Variants in TUBB8B observed in about 807,000 individuals in gnomAD.
TUBB8B encodes the protein HSA18p11 beta-tubulin 4Q pseudogene.
Under a neutral mutation model 31.9 loss-of-function variants are expected in TUBB8B, and 26 were observed. The ratio of observed to expected loss-of-function variants is 0.81; its 90% CI spans 0.60 to 1.13. TUBB8B has a LOEUF of 1.13. Among genes scored for constraint, TUBB8B ranks in the 50% most tolerant of loss-of-function variants. The pLI, the probability that TUBB8B is intolerant of heterozygous loss-of-function variation, is 0.00. For missense variants in TUBB8B, 467 were observed against 586.7 expected (o/e 0.80, Z 2.11); for synonymous variants, 173 against 231.0 (o/e 0.75, Z 2.28).
At chr18:65,134 C>G in the TUBB8B span, among the ~76,000 whole-genome samples, 1 of 151,972 alleles carries the variant, frequency 6.6e-6, no homozygotes. Flanking sequence ...AACCCTGTCT[C>G]TACTAAAAAT....
the TUBB8B span, among the ~76,000 whole-genome samples, chr18:55,406 G>A: frequency 2.6e-5 from 4 of 151,842 alleles, no homozygotes; most frequent in Admixed American, 2.6e-4. Context: ...GCGAGACTGG[G>A]TAATTTATAA....
chr18:54,966 T>G, the TUBB8B span, among the ~76,000 whole-genome samples: 1 of 152,060 alleles, frequency 6.6e-6, no homozygotes, highest in East Asian at 1.9e-4. Flanking sequence ...GTATGTCTTC[T>G]TTTCATAAAT....
At chr18:55,887 T>C in the TUBB8B span, among the ~76,000 whole-genome samples, 1 of 151,858 alleles carries the variant, frequency 6.6e-6, no homozygotes, top group Admixed American at 6.6e-5. Context: ...TTATGGGGCA[T>C]TATTTAAGAA....
At chr18:49,722 C>T (rs1278681199), upstream of TUBB8B, 3 of 696,306 alleles carry the variant, frequency 4.3e-6, no homozygotes, top group East Asian at 8.3e-5. Flanking sequence ...CACAGGTGCA[C>T]CCACCTGTGA....
the TUBB8B span, among the ~76,000 whole-genome samples, chr18:69,679 T>G: frequency 1.3e-5 from 2 of 152,244 alleles, no homozygotes; most frequent in Non-Finnish European, 2.9e-5. Flanking sequence ...GGAATTATTT[T>G]AAAATAATTA....
the TUBB8B span, among the ~76,000 whole-genome samples, chr18:69,889 G>C: frequency 6.6e-6 from 1 of 152,208 alleles, no homozygotes; most frequent in South Asian, 2.1e-4. Context: ...AGGCACAGTG[G>C]CTCATGCCTG....
chr18:48,677 C>T lies in TUBB8B; in HGVS notation c.278-230G>A, dbSNP rs900756600. ...GGTTCACAGACCTCGCTGCAGGTGGCTCCTGCCCATTCTCAGGAAAGGCAG... is the reference window on the plus strand; with the variant it reads ...GGTTCACAGACCTCGCTGCAGGTGGTTCCTGCCCATTCTCAGGAAAGGCAG... On this transcript the variant is annotated intron_variant, in intron 3 of 3. Coordinates refer to ENST00000308911, the MANE Select transcript of TUBB8B (RefSeq NM_001358689.2). 1.2e-5 allele frequency: 8 copies of T among 661,146 alleles called. No homozygotes were observed. In the African/African-American group the frequency reaches 1.4e-4, roughly 12 times the overall value. 41.0% of individuals were successfully genotyped at this position (661,146 alleles called of 1,614,324 possible).
At chr18:53,632 C>A (rs1354671854), upstream of TUBB8B, among the ~76,000 whole-genome samples, 2 of 151,766 alleles carry the variant, frequency 1.3e-5, no homozygotes, top group African/African-American at 2.4e-5. Flanking sequence ...CCACACCCAG[C>A]TAATTTTTGT....
At chr18:59,365 C>CATCTTCCAAA in the TUBB8B span, among the ~76,000 whole-genome samples, 2 of 151,436 alleles carry the variant, frequency 1.3e-5, no homozygotes, top group African/African-American at 2.4e-5. Context: ...AGAGGAAAGG[C>CATCTTCCAAA]TTTTAGTTTT....
chr18:65,730 A>G, the TUBB8B span, among the ~76,000 whole-genome samples: 3 of 152,300 alleles, frequency 2.0e-5, no homozygotes, highest in Middle Eastern at 6.8e-3. Context: ...GGAAGTAAAG[A>G]GAACTTATAT....
upstream of TUBB8B, among the ~76,000 whole-genome samples, chr18:51,348 AG>A (rs1473196478): frequency 6.6e-6 from 1 of 151,866 alleles, no homozygotes; most frequent in Admixed American, 6.6e-5. Flanking sequence ...ATATCGTGGG[AG>A]GGGCCCAGTG....
the TUBB8B span, among the ~76,000 whole-genome samples, chr18:72,056 G>A: frequency 2.0e-5 from 3 of 151,602 alleles, no homozygotes; most frequent in East Asian, 3.9e-4. Flanking sequence ...GCAGGCGCCT[G>A]TAATCCCAGC....
the TUBB8B span, among the ~76,000 whole-genome samples, chr18:68,303 G>A: frequency 6.6e-6 from 1 of 152,152 alleles, no homozygotes; most frequent in Non-Finnish European, 1.5e-5. Flanking sequence ...TTTTACCAAA[G>A]CAAAGACAGC....
chr18:72,224 C>T, the TUBB8B span, among the ~76,000 whole-genome samples: 3 of 130,834 alleles, frequency 2.3e-5, no homozygotes, highest in Non-Finnish European at 5.0e-5. Context: ...GAAAAGACAC[C>T]ACAGGGCCAT....
the TUBB8B span, among the ~76,000 whole-genome samples, chr18:67,703 G>A: frequency 6.6e-6 from 1 of 152,154 alleles, no homozygotes; most frequent in African/African-American, 2.4e-5. Flanking sequence ...CTGTGAAGGT[G>A]TTTTCAGAAG....
chr18:60,726 C>A, the TUBB8B span, among the ~76,000 whole-genome samples: 3 of 151,768 alleles, frequency 2.0e-5, no homozygotes, highest in Admixed American at 6.6e-5. Context: ...ACCTACTGAT[C>A]ATTAAAGAGC....
In TUBB8B at chr18:48,033, G is replaced by C. The variant is rs1159319556; in HGVS notation, c.692C>G (p.Ala231Gly). ...GCATGTGGTGACCCCACTCATGGTA[G>C]CAGACACCAGGTGGTTCAGGTCACC... The part of the protein sequence containing the change: ...TYGDLNHLVS[A>G]TMSGVTTCLR... The change falls in exon 4 of 4, where the codon GCT (alanine) becomes GGT (glycine). Residue 231 changes from alanine (A) to glycine (G), a missense_variant. This residue lies in a region of TUBB8B where 259 missense variants were observed against 380.1 expected (regional missense o/e 0.68). Transcript: ENST00000308911. The C allele has an allele frequency of 6.2e-7, 1 of 1,612,942 alleles. No homozygotes were observed. The highest frequency in any genetic ancestry group is 1.7e-5 in the Admixed American group (1 of 60,032).
In TUBB8B at chr18:47,376, A is replaced by T. The variant is rs1447189890; in HGVS notation, c.*14T>A. ...TCCACACTGCTTCCCCCCTTTACCT[A>T]GAAAAGGAGAGTTCTAGGCCACCTC... On this transcript the variant is annotated 3_prime_UTR_variant, in exon 4 of 4. Transcript: ENST00000308911. The T allele has an allele frequency of 5.1e-6, 4 of 777,440 alleles. No individual in the cohort carries two copies. The highest frequency in any genetic ancestry group is 6.5e-6 in the Non-Finnish European group (3 of 463,010). 48.2% of individuals were successfully genotyped at this position (777,440 alleles called of 1,614,324 possible).
At chr18:65,134 C>T in the TUBB8B span, among the ~76,000 whole-genome samples, 3 of 151,972 alleles carry the variant, frequency 2.0e-5, no homozygotes, top group Non-Finnish European at 2.9e-5. Flanking sequence ...AACCCTGTCT[C>T]TACTAAAAAT....
Sources: allele counts gnomAD v4.1 joint callset (sites outside exome capture counted in the v4.1 genomes callset), GRCh38; gene constraint gnomAD v4.1.1; regional missense constraint gnomAD v4.1.1; transcripts MANE v1.5; gene names NCBI Gene and HGNC (gene_info 2026-07-23, HGNC 2026-07-21).